The following DAPP1 variants were observed in gnomAD, a reference collection of about 807,000 sequenced individuals.
DAPP1 encodes dual adapter for phosphotyrosine and 3-phosphotyrosine and 3-phosphoinositide.
A neutral mutation model predicts 41.5 loss-of-function variants in DAPP1; 20 were observed. The observed-to-expected ratio is 0.48, with a 90% confidence interval of 0.34 to 0.70. DAPP1 has a LOEUF of 0.70. Among genes scored for constraint, DAPP1 ranks in the 30% least tolerant of loss-of-function variants. The probability of loss-of-function intolerance (pLI) is 0.01; values close to 1 mark genes in which losing one functional copy is unlikely to be tolerated. For missense variants in DAPP1, 233 were observed against 333.4 expected, an observed-to-expected ratio of 0.70 and a Z score of 2.35; for synonymous variants, 113 against 116.2, an observed-to-expected ratio of 0.97 and a Z score of 0.18.
intron 7 of DAPP1, 128 bp downstream of exon 7, chr4:99,863,983 A>G (rs1724332726): frequency 1.6e-6 from 1 of 637,450 alleles, no homozygotes; most frequent in African/African-American, 1.9e-5. Flanking sequence ...CCTGCATGTA[A>G]GGAGTGTTTT....
At chr4:99,845,190 T>G (rs1453034202) in intron 3 of DAPP1, among the ~76,000 whole-genome samples, 2 of 152,252 alleles carry the variant, frequency 1.3e-5, no homozygotes, top group African/African-American at 4.8e-5. Flanking sequence ...TTAAGTCACT[T>G]GCCCAAGTTT....
intron 1 of DAPP1, among the ~76,000 whole-genome samples, chr4:99,827,554 C>CAAAAAAA (rs60798743): frequency 1.2e-4 from 17 of 139,772 alleles, no homozygotes; most frequent in African/African-American, 4.3e-4. Context: ...AACAAAAAAA[C>CAAAAAAA]AAAACAAAAA....
chr4:99,828,069 C>T (rs1326372006), intron 1 of DAPP1, among the ~76,000 whole-genome samples: 2 of 152,238 alleles, frequency 1.3e-5, no homozygotes, highest in Non-Finnish European at 2.9e-5. Context: ...TATACAAGTA[C>T]TGAGTTCCCC....
chr4:99,821,055 G>A (rs930564327), intron 1 of DAPP1, among the ~76,000 whole-genome samples: 3 of 152,084 alleles, frequency 2.0e-5, no homozygotes, highest in Non-Finnish European at 4.4e-5. Flanking sequence ...TCTTTGAAAG[G>A]CACTGGTATT....
At chr4:99,855,890 C>G (rs1724028895) in intron 4 of DAPP1, among the ~76,000 whole-genome samples, 1 of 152,130 alleles carries the variant, frequency 6.6e-6, no homozygotes, top group Non-Finnish European at 1.5e-5. Flanking sequence ...CAAGGTCTAG[C>G]AGTGGAGGAA....
intron 1 of DAPP1, among the ~76,000 whole-genome samples, chr4:99,834,421 A>G (rs1011267567): frequency 3.3e-5 from 5 of 151,802 alleles, no homozygotes; most frequent in Non-Finnish European, 7.4e-5. Context: ...GATATATATT[A>G]CCTTTTCTAA....
At chr4:99,838,142 G>A (rs953061558) in intron 2 of DAPP1, among the ~76,000 whole-genome samples, 1 of 152,128 alleles carries the variant, frequency 6.6e-6, no homozygotes, top group East Asian at 1.9e-4. Context: ...TTCCAAAAAT[G>A]AAAAGTTAAT....
rs563106234 is a variant in DAPP1 at position 99,854,968 on chromosome 4, A to G, written c.489+1620A>G. On this transcript the variant is annotated intron_variant, in intron 4 of 8. Transcript: ENST00000512369. The stretch of plus-strand genomic sequence containing the variant: ...TAGCCTGGCTCATGGCACATCTTAC[A>G]TATTCATTGCAGTGCTACATCTCCT... Among the ~76,000 whole-genome samples the G allele has an allele frequency of 7.3e-4, 111 of 152,292 alleles. 1 individual carries two copies. Among genetic ancestry groups the G allele is most frequent in the Admixed American group, 6.6e-3 (101 of 15,292 alleles).
intron 3 of DAPP1, among the ~76,000 whole-genome samples, chr4:99,848,737 AAGGC>A (rs1228584379): frequency 1.3e-5 from 2 of 152,146 alleles, no homozygotes; most frequent in African/African-American, 4.8e-5. Context: ...TTTCATGTCA[AAGGC>A]AGGAAACAAT....
Position 99,851,534 on chromosome 4 carries a change from G to GTTTTTTTT in DAPP1, c.359-1667_359-1660dup, listed in dbSNP as rs537614787. On this transcript the variant is annotated intron_variant, in intron 3 of 8. Transcript: ENST00000512369. Reference sequence around the variant, plus strand: ...TCATAGACAGGTTTTGTTTTGTGTAGTTTTTTTTTTTTTTTTTTTTTTTTG... The same window carrying GTTTTTTTT: ...TCATAGACAGGTTTTGTTTTGTGTAGTTTTTTTTTTTTTTTTTTTTTTTTTTTTTTTTG... Among the ~76,000 whole-genome samples the GTTTTTTTT allele has an allele frequency of 1.7e-4, 13 of 77,758 alleles. 1 individual carries two copies. Among genetic ancestry groups the GTTTTTTTT allele is most frequent in the Non-Finnish European group, 2.4e-4 (10 of 42,508 alleles). The allele number at this position is 77,758 out of a possible 152,430, so 51.0% of individuals were successfully genotyped here. A position where few individuals can be genotyped will look rare whatever the true frequency, so the allele number is the denominator to read the frequency against.
At chr4:99,835,519 T>C in intron 1 of DAPP1, 104 bp from the exon 2 acceptor site, 1 of 1,505,822 alleles carries the variant, frequency 6.6e-7, no homozygotes, top group Non-Finnish European at 8.9e-7. Flanking sequence ...CTGGGCTACT[T>C]ATCTTGAAGA....
chr4:99,853,869 G>A (rs764412487), intron 4 of DAPP1, among the ~76,000 whole-genome samples: 8 of 152,146 alleles, frequency 5.3e-5, no homozygotes, highest in South Asian at 2.1e-4. Context: ...TAAATACTTC[G>A]AAAATGGAAC....
intron 1 of DAPP1, among the ~76,000 whole-genome samples, chr4:99,828,175 G>A (rs965876934): frequency 6.6e-6 from 1 of 152,206 alleles, no homozygotes; most frequent in Non-Finnish European, 1.5e-5. Context: ...CAAGATCCCA[G>A]GTGATGCTGA....
intron 2 of DAPP1, among the ~76,000 whole-genome samples, chr4:99,837,879 G>T (rs1481456720): frequency 6.6e-6 from 1 of 151,962 alleles, no homozygotes; most frequent in Admixed American, 6.6e-5. Flanking sequence ...ATGGGAGACA[G>T]TGACAGTTCG....
At chr4:99,824,146 G>C (rs1334259720) in intron 1 of DAPP1, among the ~76,000 whole-genome samples, 1 of 152,188 alleles carries the variant, frequency 6.6e-6, no homozygotes, top group African/African-American at 2.4e-5. Context: ...TCAGTCCTGA[G>C]GTACTAAGAG....
intron 1 of DAPP1, among the ~76,000 whole-genome samples, chr4:99,822,188 T>G (rs1225587856): frequency 6.6e-6 from 1 of 152,240 alleles, no homozygotes; most frequent in African/African-American, 2.4e-5. Flanking sequence ...GGTGACTTCC[T>G]TCTACTTACA....
chr4:99,835,837 C>T (rs770624672), intron 2 of DAPP1, 92 bp downstream of exon 2: 36 of 1,515,872 alleles, frequency 2.4e-5, no homozygotes, highest in Non-Finnish European at 2.9e-5. Context: ...AGCAAAACTT[C>T]CCAATTCCTG....
chr4:99,863,004 T>C lies in DAPP1; in HGVS notation c.538-6T>C. Reference sequence around the variant, plus strand: ...GTGTGTTTGTGTGTGTGTGTGTTTTTCTCAGACCTGGAAAACAAGATGGTT... The same window carrying C: ...GTGTGTTTGTGTGTGTGTGTGTTTTCCTCAGACCTGGAAAACAAGATGGTT... On this transcript the variant is annotated splice_polypyrimidine_tract_variant and splice_region_variant and intron_variant, in intron 5 of 8. Transcript: ENST00000512369. 6.3e-7 allele frequency: 1 copy of C among 1,588,146 alleles called. No homozygotes were observed. Among genetic ancestry groups the C allele is most frequent in the Non-Finnish European group, 8.5e-7 (1 of 1,171,082 alleles).
chr4:99,856,822 C>T (rs200428881), intron 4 of DAPP1, among the ~76,000 whole-genome samples: 2 of 152,156 alleles, frequency 1.3e-5, no homozygotes, highest in East Asian at 3.8e-4. Flanking sequence ...TGTGCTGAGC[C>T]GAAGTTCCCA....
Sources: allele counts gnomAD v4.1 joint callset (sites outside exome capture counted in the v4.1 genomes callset), GRCh38; gene constraint gnomAD v4.1.1; transcripts MANE v1.5; gene names NCBI Gene and HGNC (gene_info 2026-07-23, HGNC 2026-07-21).